TUSC3: variants seen among roughly 807,000 people sequenced by gnomAD.
The protein encoded by TUSC3 is tumor suppressor candidate 3, also known as dolichyl-diphosphooligosaccharide--protein glycosyltransferase subunit TUSC3.
TUSC3 carries 45 observed loss-of-function variants against 44.8 expected under a neutral mutation model. The observed-to-expected ratio is 1.00, with a 90% confidence interval of 0.79 to 1.29. The LOEUF is 1.29. Ranked by LOEUF, TUSC3 falls within the 50% of genes most tolerant of loss-of-function variation. The pLI is 0.00. For missense variants in TUSC3, 519 were observed against 437.9 expected (o/e 1.19, Z -1.65); for synonymous variants, 212 against 152.9 (o/e 1.39, Z -2.85).
chr8:15,592,964 A>G (rs913382356), intron 1 of TUSC3, among the ~76,000 whole-genome samples: 4 of 152,182 alleles, frequency 2.6e-5, no homozygotes, highest in African/African-American at 9.7e-5. Flanking sequence ...CCACTTAGCT[A>G]TAGTGCTTAT....
the TUSC3 span, among the ~76,000 whole-genome samples, chr8:15,801,796 T>C: frequency 1.3e-5 from 2 of 152,152 alleles, no homozygotes; most frequent in African/African-American, 4.8e-5. Flanking sequence ...TTTCTCTCAT[T>C]TGGATGCTCT....
chr8:15,617,541 C>G (rs928866785), intron 1 of TUSC3, among the ~76,000 whole-genome samples: 16 of 152,076 alleles, frequency 1.1e-4, no homozygotes, highest in Admixed American at 5.9e-4. Context: ...TTTGTGAGTT[C>G]TTCTCTGACA....
intron 6 of TUSC3, among the ~76,000 whole-genome samples, chr8:15,707,531 C>G (rs896430259): frequency 6.6e-6 from 1 of 151,904 alleles, no homozygotes; most frequent in Admixed American, 6.6e-5. Context: ...GATGTTTTCC[C>G]AGGCCTGTAG....
At chr8:15,603,664 C>T (rs1446074297) in intron 1 of TUSC3, among the ~76,000 whole-genome samples, 1 of 151,402 alleles carries the variant, frequency 6.6e-6, no homozygotes, top group Non-Finnish European at 1.5e-5. Context: ...GTCTGATAGC[C>T]ATTACAAGTT....
intron 1 of TUSC3, among the ~76,000 whole-genome samples, chr8:15,548,974 G>C (rs1011445183): frequency 1.3e-5 from 2 of 151,558 alleles, no homozygotes; most frequent in East Asian, 3.9e-4. Context: ...AGTGAAATAA[G>C]TGTTTTTATT....
At chr8:15,795,874 A>G in the TUSC3 span, among the ~76,000 whole-genome samples, 1 of 152,268 alleles carries the variant, frequency 6.6e-6, no homozygotes, top group East Asian at 1.9e-4. Flanking sequence ...CTTTATATTC[A>G]TGGAGAGCAT....
chr8:15,825,488 C>A, the TUSC3 span, among the ~76,000 whole-genome samples: 1 of 152,088 alleles, frequency 6.6e-6, no homozygotes, highest in East Asian at 1.9e-4. Context: ...TCAATTACCT[C>A]CCACCAGGTC....
intron 1 of TUSC3, among the ~76,000 whole-genome samples, chr8:15,464,934 C>T (rs1165463081): frequency 6.6e-6 from 1 of 152,158 alleles, no homozygotes; most frequent in Non-Finnish European, 1.5e-5. Flanking sequence ...ACTGCAACCT[C>T]TTCCTCCCAG....
chr8:15,818,188 C>T, the TUSC3 span, among the ~76,000 whole-genome samples: 1 of 152,148 alleles, frequency 6.6e-6, no homozygotes, highest in South Asian at 2.1e-4. Context: ...TAAAAGTTTT[C>T]CATTCTCAGT....
intron 6 of TUSC3, among the ~76,000 whole-genome samples, chr8:15,678,832 G>C (rs146268029): frequency 6.6e-6 from 1 of 151,986 alleles, no homozygotes; most frequent in African/African-American, 2.4e-5. Flanking sequence ...GTATATGTTC[G>C]TATGCACCCA....
chr8:15,623,066 G>T lies in TUSC3; in HGVS notation c.139-14G>T, dbSNP rs1805323383. ...TGACTCTTTGTAAATGTTAATTTCT[G>T]TGTTTAATTGCAGAATCTTTTAGCT... On this transcript the variant is annotated splice_polypyrimidine_tract_variant and intron_variant, in intron 1 of 10. Coordinates refer to ENST00000503731, the MANE Select transcript of TUSC3 (RefSeq NM_006765.4). 1.9e-6 allele frequency: 3 copies of T among 1,612,758 alleles called. No individual in the cohort carries two copies. Among genetic ancestry groups the T allele is most frequent in the Non-Finnish European group, 2.5e-6 (3 of 1,179,304 alleles).
At chr8:15,739,184 C>T (rs4831766) in intron 7 of TUSC3, among the ~76,000 whole-genome samples, 43,331 of 151,802 alleles carry the variant, frequency 0.29, 6,546 homozygotes, top group Admixed American at 0.4. Context: ...GGCTAGTTAA[C>T]CTGTCACAAA....
rs756301256 is a variant in TUSC3, at chr8:15,558,436, A to G, written c.138+17868A>G. Among the ~76,000 whole-genome samples, 29 of 60,968 alleles carry G rather than the reference A, an allele frequency of 4.8e-4. 3 individuals are homozygous for G. Among genetic ancestry groups the G allele is most frequent in the African/African-American group, 1.3e-3 (29 of 21,936 alleles). 40.0% of individuals were successfully genotyped at this position (60,968 alleles called of 152,430 possible). A position where few individuals can be genotyped will look rare whatever the true frequency, so the allele number is the denominator to read the frequency against. ...TATTTTATTGAGGATTTTTGCATCAATGTTCATCAAGGATATTGGTCTAAA... is the reference window on the plus strand; with the variant it reads ...TATTTTATTGAGGATTTTTGCATCAGTGTTCATCAAGGATATTGGTCTAAA... On this transcript the variant is annotated intron_variant, in intron 1 of 10. Coordinates refer to ENST00000503731, the MANE Select transcript of TUSC3 (RefSeq NM_006765.4).
At chr8:15,806,842 G>T in the TUSC3 span, 1 of 981,082 alleles carries the variant, frequency 1.0e-6, no homozygotes, top group Non-Finnish European at 1.6e-6. Context: ...CAAAGTAAAC[G>T]TCTAGAGTCT....
chr8:15,752,674 GCTTA>G (rs1241923247), intron 9 of TUSC3, among the ~76,000 whole-genome samples: 3 of 152,124 alleles, frequency 2.0e-5, no homozygotes, highest in African/African-American at 4.8e-5. Flanking sequence ...ATCTGACTCT[GCTTA>G]CTTGTCTCTC....
chr8:15,724,113 A>C (rs1210512905), intron 6 of TUSC3, among the ~76,000 whole-genome samples: 1 of 152,138 alleles, frequency 6.6e-6, no homozygotes, highest in African/African-American at 2.4e-5. Flanking sequence ...AGAGACGCCT[A>C]CCTATCTCTG....
chr8:15,595,776 A>G (rs974427888), intron 1 of TUSC3, among the ~76,000 whole-genome samples: 4 of 152,184 alleles, frequency 2.6e-5, no homozygotes, highest in African/African-American at 7.2e-5. Context: ...TTTTCTCAAA[A>G]ATTCAAGAAG....
intron 5 of TUSC3, among the ~76,000 whole-genome samples, chr8:15,669,440 T>C (rs1807840601): frequency 6.6e-6 from 1 of 151,766 alleles, no homozygotes; most frequent in Non-Finnish European, 1.5e-5. Context: ...CATTTAAAAA[T>C]AGAAAACTGA....
At position 15,478,843 on chromosome 8, in the gene TUSC3, T is replaced by C. The variant is rs894230684; in HGVS notation, n.92-4543T>C. On this transcript the variant is annotated intron_variant and non_coding_transcript_variant, in intron 1 of 5. Coordinates refer to the TUSC3 transcript ENST00000503191. ...AATGGTATTTCTGTTTCTAGGTCTT[T>C]GAGGAATTGCCACACTGTCTTCCAC... Among the ~76,000 whole-genome samples, 3 of 152,326 alleles carry C rather than the reference T, an allele frequency of 2.0e-5. No individual in the cohort carries two copies. In the East Asian group the frequency reaches 5.8e-4, roughly 29 times the overall value.
Sources: allele counts gnomAD v4.1 joint callset (sites outside exome capture counted in the v4.1 genomes callset), GRCh38; gene constraint gnomAD v4.1.1; transcripts MANE v1.5; gene names NCBI Gene and HGNC (gene_info 2026-07-23, HGNC 2026-07-21).